C12orf42: variants seen among roughly 807,000 people sequenced by gnomAD.
C12orf42 encodes uncharacterized protein C12orf42.
A neutral mutation model predicts 21.6 loss-of-function variants in C12orf42; 25 were observed. The ratio of observed to expected loss-of-function variants is 1.16; its 90% confidence interval spans 0.84 to 1.62. The LOEUF (loss-of-function observed/expected upper bound fraction) is 1.62, where lower values mean the gene tolerates loss of function less well. Ranked by LOEUF, C12orf42 falls within the 40% of genes most tolerant of loss-of-function variation. The probability of loss-of-function intolerance (pLI) is 0.00; values close to 1 mark genes in which losing one functional copy is unlikely to be tolerated. For missense variants in C12orf42, 483 were observed against 459.3 expected (o/e 1.05, Z -0.47); for synonymous variants, 174 against 175.0 (o/e 0.99, Z 0.05).
the C12orf42 span, among the ~76,000 whole-genome samples, chr12:103,511,224 A>G: frequency 1.3e-5 from 2 of 152,208 alleles, no homozygotes; most frequent in South Asian, 2.1e-4. Flanking sequence ...GTAATAATAC[A>G]TCAATAAAGT....
chr12:103,445,233 G>T (rs1352364129), intron 2 of C12orf42, among the ~76,000 whole-genome samples: 3 of 152,050 alleles, frequency 2.0e-5, no homozygotes, highest in African/African-American at 2.4e-5. Context: ...AAACCCAGCT[G>T]GTGTCCACTG....
the C12orf42 span, among the ~76,000 whole-genome samples, chr12:103,075,112 A>G: frequency 1.3e-5 from 2 of 152,220 alleles, no homozygotes; most frequent in Non-Finnish European, 2.9e-5. Context: ...AAACAAACAC[A>G]CACAGAAAAG....
intron 10 of C12orf42, among the ~76,000 whole-genome samples, chr12:103,256,523 G>T (rs553189264): frequency 6.6e-6 from 1 of 151,956 alleles, no homozygotes; most frequent in African/African-American, 2.4e-5. Flanking sequence ...ATGGATCCCC[G>T]TAATAGCCAA....
the C12orf42 span, among the ~76,000 whole-genome samples, chr12:103,089,459 C>T: frequency 5.9e-5 from 9 of 152,214 alleles, no homozygotes; most frequent in Admixed American, 2.0e-4. Context: ...CATCTCTTTA[C>T]AGGGCGTATC....
At chr12:103,232,610 C>A (rs756891027), downstream of C12orf42, among the ~76,000 whole-genome samples, 1 of 150,468 alleles carries the variant, frequency 6.6e-6, no homozygotes, top group African/African-American at 2.5e-5. Context: ...ACTCAGGAGG[C>A]TGAGGCAGGA....
At chr12:103,083,188 A>G in the C12orf42 span, among the ~76,000 whole-genome samples, 1 of 152,150 alleles carries the variant, frequency 6.6e-6, no homozygotes, top group African/African-American at 2.4e-5. Context: ...AACATGGCGA[A>G]ACCCCGTCTC....
the C12orf42 span, among the ~76,000 whole-genome samples, chr12:103,544,851 C>T: frequency 6.6e-6 from 1 of 152,024 alleles, no homozygotes; most frequent in Non-Finnish European, 1.5e-5. Flanking sequence ...AGTTTTTCTT[C>T]CTGTTCCCTG....
At chr12:103,356,695 T>C (rs959962723) in intron 4 of C12orf42, among the ~76,000 whole-genome samples, 2 of 151,942 alleles carry the variant, frequency 1.3e-5, no homozygotes, top group Non-Finnish European at 2.9e-5. Context: ...TGTTGTTTCC[T>C]GACTTTTTAA....
chr12:103,545,892 C>T, the C12orf42 span, among the ~76,000 whole-genome samples: 1 of 152,214 alleles, frequency 6.6e-6, no homozygotes, highest in African/African-American at 2.4e-5. Context: ...CAGTCTTAAT[C>T]CCAAAGCTCA....
At chr12:103,322,250 T>C (rs1388174240) in intron 4 of C12orf42, among the ~76,000 whole-genome samples, 1 of 152,160 alleles carries the variant, frequency 6.6e-6, no homozygotes, top group African/African-American at 2.4e-5. Context: ...CTGGCTGCAA[T>C]GGGAAAATCA....
At chr12:103,408,693 T>C (rs773588311) in intron 2 of C12orf42, among the ~76,000 whole-genome samples, 6 of 152,180 alleles carry the variant, frequency 3.9e-5, no homozygotes, top group Non-Finnish European at 7.4e-5. Context: ...ATAGAGTACA[T>C]AGATTATTGC....
chr12:103,486,260 T>C (rs139133494), intron 1 of C12orf42, among the ~76,000 whole-genome samples: 3 of 152,374 alleles, frequency 2.0e-5, no homozygotes, highest in Non-Finnish European at 4.4e-5. Flanking sequence ...GTTCTGTTTA[T>C]GTGACAGATT....
chr12:103,127,972 ATTC>A, the C12orf42 span, among the ~76,000 whole-genome samples: 3 of 152,234 alleles, frequency 2.0e-5, no homozygotes, highest in Non-Finnish European at 2.9e-5. Flanking sequence ...AAAGAGTCAC[ATTC>A]TTCTTGCCTC....
At chr12:103,109,007 G>T in the C12orf42 span, among the ~76,000 whole-genome samples, 2 of 152,102 alleles carry the variant, frequency 1.3e-5, no homozygotes, top group Non-Finnish European at 2.9e-5. Flanking sequence ...TAATATCATA[G>T]GATGTTAATT....
the C12orf42 span, among the ~76,000 whole-genome samples, chr12:103,211,063 T>A: frequency 6.6e-6 from 1 of 152,196 alleles, no homozygotes; most frequent in Non-Finnish European, 1.5e-5. Flanking sequence ...CAGTGATCAT[T>A]CTGTAGATTC....
At chr12:103,191,929 A>T in the C12orf42 span, among the ~76,000 whole-genome samples, 1 of 152,150 alleles carries the variant, frequency 6.6e-6, no homozygotes. Flanking sequence ...AAGTTTTCTC[A>T]GTTCAAAGTA....
the C12orf42 span, among the ~76,000 whole-genome samples, chr12:103,187,113 A>T: frequency 6.6e-6 from 1 of 152,182 alleles, no homozygotes; most frequent in African/African-American, 2.4e-5. Context: ...TACTAGACTC[A>T]TTCTCTTGGA....
At chr12:103,486,483 T>C (rs1026289617) in intron 1 of C12orf42, among the ~76,000 whole-genome samples, 4 of 152,192 alleles carry the variant, frequency 2.6e-5, no homozygotes, top group South Asian at 4.1e-4. Flanking sequence ...ATAAAATGAG[T>C]TAGGGAGGAT....
chr12:103,219,640 G>A, the C12orf42 span, among the ~76,000 whole-genome samples: 5 of 152,180 alleles, frequency 3.3e-5, no homozygotes, highest in Non-Finnish European at 7.3e-5. Context: ...CTTTTATGTG[G>A]CCAACAAACA....
Sources: allele counts gnomAD v4.1 joint callset (sites outside exome capture counted in the v4.1 genomes callset), GRCh38; gene constraint gnomAD v4.1.1; transcripts MANE v1.5; gene names NCBI Gene and HGNC (gene_info 2026-07-23, HGNC 2026-07-21).